HPN: variants seen among roughly 807,000 people sequenced by gnomAD.
HPN encodes the protein serine protease hepsin.
In HPN, 13 loss-of-function variants were observed where a neutral mutation model predicts 55.9. The ratio of observed to expected loss-of-function variants is 0.23; its 90% CI spans 0.15 to 0.37. The LOEUF is 0.37. HPN is among the 10% of genes least tolerant of loss of function. The pLI is 1.00. For missense variants in HPN, 451 were observed against 575.8 expected (o/e 0.78, Z 2.22); for synonymous variants, 225 against 240.3 (o/e 0.94, Z 0.59).
At chr19:35,050,063 T>C (rs965680149) in intron 4 of HPN, among the ~76,000 whole-genome samples, 1 of 152,132 alleles carries the variant, frequency 6.6e-6, no homozygotes, top group Non-Finnish European at 1.5e-5. Context: ...GAAAACATGT[T>C]GGGGAGGCAT....
At chr19:35,049,171 G>A in intron 2 of HPN, 119 bp from the exon 3 acceptor site, 1 of 621,874 alleles carries the variant, frequency 1.6e-6, no homozygotes, top group Non-Finnish European at 2.5e-6. Flanking sequence ...TGGGCCTGGG[G>A]AGGACATGCT....
intron 9 of HPN, among the ~76,000 whole-genome samples, chr19:35,063,132 C>T (rs2064555808): frequency 6.6e-6 from 1 of 152,198 alleles, no homozygotes; most frequent in African/African-American, 2.4e-5. Context: ...CCCCAGCACA[C>T]CCTGGTAAGG....
chr19:35,065,549 C>T lies in HPN; in HGVS notation c.918C>T (p.Ala306=), dbSNP rs367992437. The T allele has an allele frequency of 1.3e-5, 21 of 1,613,858 alleles. No individual in the cohort carries two copies. Among genetic ancestry groups the T allele is most frequent in the African/African-American group, 1.2e-4 (9 of 74,906 alleles). ...CCTGCACACCCCCAGGCCAACAGGC[C>T]GGGGTACTCCAGGAGGCTCGAGTCC... ...WGNTQYYGQQ[A]GVLQEARVPI... Residue 306 remains alanine, a synonymous_variant, in exon 11 of 13, where the codon GCC becomes GCT. Coordinates refer to ENST00000672452, the MANE Select transcript of HPN (RefSeq NM_001384133.1).
chr19:35,050,967 A>T (rs2064399860), intron 4 of HPN, among the ~76,000 whole-genome samples: 1 of 117,514 alleles, frequency 8.5e-6, no homozygotes, highest in African/African-American at 3.4e-5. Flanking sequence ...CCCAGGCTGG[A>T]GTGCAGTGAC....
At chr19:35,060,552 G>A (rs1288259142) in intron 8 of HPN, 40 bp downstream of exon 8, 2 of 1,611,886 alleles carry the variant, frequency 1.2e-6, no homozygotes, top group South Asian at 1.1e-5. Context: ...GGGAGGCAGA[G>A]GAGCGGAGAG....
chr19:35,061,644 C>T (rs1330027301), intron 9 of HPN, among the ~76,000 whole-genome samples: 5 of 151,926 alleles, frequency 3.3e-5, no homozygotes, highest in Non-Finnish European at 7.4e-5. Context: ...ATCCACACAA[C>T]GGGAGAATAT....
intron 9 of HPN, among the ~76,000 whole-genome samples, chr19:35,063,693 A>C (rs887298771): frequency 2.0e-5 from 3 of 152,210 alleles, no homozygotes; most frequent in African/African-American, 7.2e-5. Flanking sequence ...TAGTGAAAAG[A>C]GTGAGAGAGT....
chr19:35,042,720 C>T (rs1193911227), intron 2 of HPN, among the ~76,000 whole-genome samples, 198 bp downstream of exon 2: 1 of 152,166 alleles, frequency 6.6e-6, no homozygotes, highest in Non-Finnish European at 1.5e-5. Flanking sequence ...ACCAGCCTCC[C>T]TTCTACCCTA....
intron 4 of HPN, among the ~76,000 whole-genome samples, chr19:35,053,431 C>T (rs994496233): frequency 6.6e-6 from 1 of 151,946 alleles, no homozygotes; most frequent in African/African-American, 2.4e-5. Flanking sequence ...CATTCCCTGC[C>T]CCAACCCCAG....
intron 9 of HPN, among the ~76,000 whole-genome samples, chr19:35,064,578 T>C (rs970135602): frequency 2.0e-5 from 3 of 151,746 alleles, no homozygotes; most frequent in Non-Finnish European, 4.4e-5. Context: ...CAGTGAGCCA[T>C]GTTCCTGCCA....
intron 4 of HPN, among the ~76,000 whole-genome samples, chr19:35,052,534 CAA>C (rs5827918): frequency 0.022 from 1,897 of 84,532 alleles, 38 homozygotes; most frequent in South Asian, 0.14. Flanking sequence ...GAGTCTGTCT[CAA>C]AAAAAAAAAA....
intron 1 of HPN, 147 bp from the exon 2 acceptor site, chr19:35,042,306 A>C: frequency 7.1e-7 from 1 of 1,401,094 alleles, no homozygotes; most frequent in Non-Finnish European, 9.3e-7. Flanking sequence ...CCTTGAACCC[A>C]GCCCAATCTG....
chr19:35,055,106 T>A (rs2064441886), intron 4 of HPN, among the ~76,000 whole-genome samples: 1 of 152,028 alleles, frequency 6.6e-6, no homozygotes, highest in African/African-American at 2.4e-5. Context: ...GGCCAGGAGT[T>A]TGAGATCAGC....
At chr19:35,048,450 ATTC>A (rs781448947) in intron 2 of HPN, among the ~76,000 whole-genome samples, 8 of 152,374 alleles carry the variant, frequency 5.3e-5, no homozygotes, top group South Asian at 2.1e-4. Flanking sequence ...AATTTGAGCT[ATTC>A]TTCTTCTTCT....
chr19:35,065,465 T>C, intron 10 of HPN, 74 bp from the exon 11 acceptor site: 1 of 1,577,782 alleles, frequency 6.3e-7, no homozygotes, highest in Non-Finnish European at 8.6e-7. Flanking sequence ...CTGAGGGGAA[T>C]GGGGTGGGCA....
chr19:35,059,249 C>T (rs577112473), intron 4 of HPN: 47 of 335,306 alleles, frequency 1.4e-4, no homozygotes, highest in Non-Finnish European at 2.6e-4. Flanking sequence ...ATTGCTTGAG[C>T]CTAGGAGTTC....
At chr19:35,053,561 A>G (rs1433291440) in intron 4 of HPN, among the ~76,000 whole-genome samples, 1 of 152,178 alleles carries the variant, frequency 6.6e-6, no homozygotes, top group African/African-American at 2.4e-5. Flanking sequence ...CCTGGCCAAC[A>G]TGGCAAAACC....
At chr19:35,059,547 CG>C (rs2064499696) in intron 4 of HPN, 125 bp from the exon 5 acceptor site, 1 of 1,249,684 alleles carries the variant, frequency 8.0e-7, no homozygotes, top group African/African-American at 1.5e-5. Context: ...TGCAACCCTC[CG>C]ATGGGCTGGG....
At chr19:35,063,463 C>T (rs906428305) in intron 9 of HPN, among the ~76,000 whole-genome samples, 7 of 152,362 alleles carry the variant, frequency 4.6e-5, no homozygotes, top group Admixed American at 1.3e-4. Flanking sequence ...AATCCCAGCA[C>T]TTTGAGAGGC....
Sources: allele counts gnomAD v4.1 joint callset (sites outside exome capture counted in the v4.1 genomes callset), GRCh38; gene constraint gnomAD v4.1.1; transcripts MANE v1.5; gene names NCBI Gene and HGNC (gene_info 2026-07-23, HGNC 2026-07-21).